Variants in USP34 observed in about 807,000 individuals in gnomAD.
USP34 encodes the protein ubiquitin carboxyl-terminal hydrolase 34.
Under a neutral mutation model 460.3 loss-of-function variants are expected in USP34, and 70 were observed. The ratio of observed to expected loss-of-function variants is 0.15; its 90% confidence interval spans 0.13 to 0.19. The LOEUF (loss-of-function observed/expected upper bound fraction) is 0.19. USP34 is among the 10% of genes least tolerant of loss of function. The probability of loss-of-function intolerance (pLI) is 1.00; values close to 1 mark genes in which losing one functional copy is unlikely to be tolerated. For missense variants in USP34, 3,985 were observed against 4,236.2 expected, an observed-to-expected ratio of 0.94 and a Z score of 1.65; for synonymous variants, 1,647 against 1,405.3, an observed-to-expected ratio of 1.17 and a Z score of -3.85.
chr2:61,394,295 A>C (rs1462051266), intron 5 of USP34, among the ~76,000 whole-genome samples: 11 of 152,166 alleles, frequency 7.2e-5, no homozygotes, highest in African/African-American at 2.4e-4. Flanking sequence ...AGCATCATTT[A>C]AAGTAACCAA....
chr2:61,270,814 C>T (rs1689190836), intron 41 of USP34, among the ~76,000 whole-genome samples: 1 of 152,148 alleles, frequency 6.6e-6, no homozygotes, highest in African/African-American at 2.4e-5. Flanking sequence ...AAATAATTTC[C>T]TGTGCCCACA....
chr2:61,462,306 T>C (rs548301235), intron 1 of USP34, among the ~76,000 whole-genome samples: 2 of 151,128 alleles, frequency 1.3e-5, no homozygotes, highest in East Asian at 1.9e-4. Context: ...CCCAGCAGTT[T>C]GGGAGGCCGA....
At position 61,236,015 on chromosome 2, in the gene USP34, A is replaced by G. The variant is rs188835391; in HGVS notation, c.6966+11T>C. The G allele has an allele frequency of 2.3e-5, 37 of 1,605,574 alleles. 1 individual carries two copies. The East Asian group carries it at 8.0e-4, about 35-fold the overall frequency. On this transcript the variant is annotated intron_variant, in intron 56 of 79. Coordinates refer to ENST00000398571, the MANE Select transcript of USP34 (RefSeq NM_014709.4). ...TAAATGACAAAAAAATCCATAGTAGAAAACACATACCTTTTCTTTAGAATG... is the reference window on the plus strand; with the variant it reads ...TAAATGACAAAAAAATCCATAGTAGGAAACACATACCTTTTCTTTAGAATG...
intron 1 of USP34, among the ~76,000 whole-genome samples, chr2:61,465,321 A>AT (rs1695729471): frequency 6.6e-6 from 1 of 152,190 alleles, no homozygotes; most frequent in South Asian, 2.1e-4. Flanking sequence ...TTCCACAGTG[A>AT]AAGTTTACAG....
chr2:61,390,190 TTC>T (rs1414664513), intron 5 of USP34, among the ~76,000 whole-genome samples: 1 of 152,236 alleles, frequency 6.6e-6, no homozygotes. Flanking sequence ...TCATTTGCAC[TTC>T]TTTCTACTCC....
Position 61,293,491 on chromosome 2 carries a change from C to T in USP34, c.4521G>A (p.Glu1507=), listed in dbSNP as rs1689925286. Residue 1507 remains glutamate, a synonymous_variant, in exon 33 of 80, where the codon GAG becomes GAA. Coordinates refer to ENST00000398571, the MANE Select transcript of USP34 (RefSeq NM_014709.4). The part of the protein sequence containing the change: ...LLEIFNSGIL[E]PKEQESWTVW... ...CAGTCCATGATTCCTGCTCTTTAGG[C>T]TCTAGAATTCCAGAATTAAAAATTT... 3 of 1,612,952 alleles carry T rather than the reference C, an allele frequency of 1.9e-6. No homozygotes were observed. Among genetic ancestry groups the T allele is most frequent in the Non-Finnish European group, 1.7e-6 (2 of 1,179,362 alleles).
intron 8 of USP34, among the ~76,000 whole-genome samples, chr2:61,374,074 T>G (rs1437085208): frequency 6.6e-6 from 1 of 150,566 alleles, no homozygotes; most frequent in Non-Finnish European, 1.5e-5. Flanking sequence ...CACAATCGCT[T>G]GAAGCCAGGA....
In USP34 at chr2:61,278,411, T is replaced by G; in HGVS notation, c.5289A>C (p.Arg1763Ser). The change falls in exon 40 of 80, where the codon AGA (arginine) becomes AGC (serine). Residue 1763 changes from arginine to serine, a missense_variant. By Grantham distance (110) the Arg-to-Ser change is moderately radical. Around this residue, in one of 14 missense-constraint regions of USP34, gnomAD observed 1,114 missense variants for 1,122.5 expected, o/e 0.99. Coordinates refer to ENST00000398571, the MANE Select transcript of USP34 (RefSeq NM_014709.4). ...ACCTTCGAATACAGTCAGCCAAATG[T>G]CTTGCCAAGGCATCTAAGTCGAGGA... ...TTLLDLDALA[R>S]HLADCIRSRE... 1 of 1,603,034 alleles carries G rather than the reference T, an allele frequency of 6.2e-7. No individual in the cohort carries two copies. The highest frequency in any genetic ancestry group is 1.1e-5 in the South Asian group (1 of 88,302).
At position 61,214,563 on chromosome 2, in the gene USP34, C is replaced by T; in HGVS notation, c.8179G>A (p.Val2727Ile). 1 of 1,613,664 alleles carries T rather than the reference C, an allele frequency of 6.2e-7. No homozygotes were observed. Among genetic ancestry groups the T allele is most frequent in the Non-Finnish European group, 8.5e-7 (1 of 1,179,814 alleles). ...SPDTTVVLHQ[V>I]YNVLLGLLSR... is the part of the protein sequence containing the mutation. Reference sequence around the variant, plus strand: ...AGCAAACCAAGGAGCACGTTGTAGACCTGATGTAGGACTACTGTTGTGTCT... The same window carrying T: ...AGCAAACCAAGGAGCACGTTGTAGATCTGATGTAGGACTACTGTTGTGTCT... Residue 2727 changes from valine to isoleucine, a missense_variant, in exon 68 of 80, where the codon GTC (valine) becomes ATC (isoleucine). Around this residue, in one of 14 missense-constraint regions of USP34, gnomAD observed 604 missense variants for 684.8 expected, o/e 0.88. Coordinates refer to ENST00000398571, the MANE Select transcript of USP34 (RefSeq NM_014709.4).
In USP34 at chr2:61,427,688, T is replaced by G. The variant is rs975668296; in HGVS notation, c.44-6855A>C. ...AAATTCTGGAGCTGAAAAACGCAAT[T>G]GGCATACTAAAGAATGTATTAGTCT... On this transcript the variant is annotated intron_variant, in intron 1 of 79. Coordinates refer to ENST00000398571, the MANE Select transcript of USP34 (RefSeq NM_014709.4). Among the ~76,000 whole-genome samples, 4 of 152,186 alleles carry G rather than the reference T, an allele frequency of 2.6e-5. No homozygotes were observed. In the South Asian group the frequency reaches 8.3e-4, roughly 32 times the overall value.
In USP34 at chr2:61,281,212, G is replaced by A. The variant is rs1007192234; in HGVS notation, c.5029C>T (p.Leu1677Phe). 8 of 1,613,970 alleles carry A rather than the reference G, an allele frequency of 5.0e-6. No homozygotes were observed. The highest frequency in any genetic ancestry group is 3.3e-5 in the Admixed American group (2 of 59,992). Residue 1677 changes from leucine to phenylalanine, a missense_variant, in exon 38 of 80, where the codon CTC becomes TTC. Leu to Phe is a conservative substitution (Grantham distance 22, BLOSUM62 0). Transcript: ENST00000398571. ...TAVRHESCSG[L>F]YKLSLSGLDG... is the part of the protein sequence containing the mutation. ...AGCCCTGACAGGGATAACTTATAGA[G>A]ACCACTGCATGATTCATGACGAACT... is the stretch of plus-strand genomic sequence containing the variant.
At chr2:61,337,757 A>C (rs1224384432) in intron 18 of USP34, among the ~76,000 whole-genome samples, 1 of 152,098 alleles carries the variant, frequency 6.6e-6, no homozygotes, top group Non-Finnish European at 1.5e-5. Flanking sequence ...CGCCCGGCCT[A>C]GTTATTTTCA....
At position 61,413,828 on chromosome 2, in the gene USP34, G is replaced by A. The variant is rs369632292; in HGVS notation, c.131+6918C>T. On this transcript the variant is annotated intron_variant, in intron 2 of 79. Transcript: ENST00000398571. ...CCCCGTCTCTACTAGATACTCAGGAGGCTGAGGCAGGAGAATTGCCTGAAC... is the reference window on the plus strand; with the variant it reads ...CCCCGTCTCTACTAGATACTCAGGAAGCTGAGGCAGGAGAATTGCCTGAAC... Among the ~76,000 whole-genome samples the A allele has an allele frequency of 3.5e-4, 48 of 137,860 alleles. 1 individual carries two copies. The East Asian group carries it at 5.6e-3, about 16-fold the overall frequency. 90.4% of individuals were successfully genotyped at this position (137,860 alleles called of 152,430 possible).
intron 3 of USP34, among the ~76,000 whole-genome samples, chr2:61,395,555 T>C (rs1327286421): frequency 1.3e-5 from 2 of 151,578 alleles, no homozygotes; most frequent in African/African-American, 2.4e-5. Flanking sequence ...TCCCAGCACT[T>C]TGGGAGGCCG....
chr2:61,366,508 G>T (rs897572199), intron 10 of USP34, among the ~76,000 whole-genome samples: 7 of 152,130 alleles, frequency 4.6e-5, no homozygotes, highest in Non-Finnish European at 7.4e-5. Flanking sequence ...CTTCCCTGGG[G>T]GAGAAAACTA....
chr2:61,352,658 C>A (rs1691974950), intron 10 of USP34, among the ~76,000 whole-genome samples: 1 of 144,644 alleles, frequency 6.9e-6, no homozygotes. Flanking sequence ...GAAAAAAAAT[C>A]ATAAAATCCT....
chr2:61,375,916 C>A (rs1692786313), intron 8 of USP34, among the ~76,000 whole-genome samples: 1 of 151,530 alleles, frequency 6.6e-6, no homozygotes. Context: ...TCTCAATGAA[C>A]CTCAAACAAA....
At chr2:61,216,607 A>T (rs1471516241) in intron 67 of USP34, among the ~76,000 whole-genome samples, 1 of 149,690 alleles carries the variant, frequency 6.7e-6, no homozygotes, top group Non-Finnish European at 1.5e-5. Flanking sequence ...CTCAAAAAAC[A>T]ACAAAAAACA....
chr2:61,442,896 TGTACACAC>T (rs1195803152), intron 1 of USP34, among the ~76,000 whole-genome samples: 25 of 78,760 alleles, frequency 3.2e-4, no homozygotes, highest in Admixed American at 1.4e-3. Flanking sequence ...ATGTGATGTG[TGTACACAC>T]ACACACACAC....
Sources: allele counts gnomAD v4.1 joint callset (sites outside exome capture counted in the v4.1 genomes callset), GRCh38; gene constraint gnomAD v4.1.1; regional missense constraint gnomAD v4.1.1; transcripts MANE v1.5; gene names NCBI Gene and HGNC (gene_info 2026-07-23, HGNC 2026-07-21).